NELL1: variants seen among roughly 807,000 people sequenced by gnomAD.
The protein encoded by NELL1 is protein kinase C-binding protein NELL1.
In NELL1, 76 loss-of-function variants were observed where a neutral mutation model predicts 107.4. That is an observed-to-expected ratio of 0.71 (90% CI 0.59 to 0.86). The LOEUF is 0.86. NELL1 is among the 40% of genes least tolerant of loss of function. NELL1 has a pLI of 0.00. For synonymous variants in NELL1, 353 were observed against 341.2 expected (o/e 1.03, Z -0.38); for missense variants, 1,024 against 1,005.5 (o/e 1.02, Z -0.25).
intron 15 of NELL1, among the ~76,000 whole-genome samples, chr11:21,390,340 T>G (rs190295990): frequency 1.4e-3 from 216 of 150,062 alleles, no homozygotes; most frequent in Non-Finnish European, 2.6e-3. Flanking sequence ...AGTCAAACAT[T>G]TTCTTTCCCA....
chr11:21,116,226 G>T (rs1162911818), intron 13 of NELL1, among the ~76,000 whole-genome samples: 1 of 151,902 alleles, frequency 6.6e-6, no homozygotes, highest in East Asian at 1.9e-4. Context: ...CTTGGCTTTT[G>T]TGCCATCCTA....
chr11:21,451,228 A>G (rs11026090), intron 15 of NELL1, among the ~76,000 whole-genome samples: 35,469 of 151,222 alleles, frequency 0.23, 4,445 homozygotes, highest in Middle Eastern at 0.37. Context: ...AAAGAAAAAG[A>G]AAAAAGAAAT....
chr11:20,910,880 A>G (rs886506357), intron 5 of NELL1, among the ~76,000 whole-genome samples: 4 of 152,342 alleles, frequency 2.6e-5, no homozygotes, highest in South Asian at 2.1e-4. Flanking sequence ...TGCAGATTAT[A>G]TAAGAATATG....
chr11:21,401,277 A>ATAAG (rs1472485208), intron 15 of NELL1, among the ~76,000 whole-genome samples: 2 of 151,886 alleles, frequency 1.3e-5, no homozygotes, highest in African/African-American at 4.8e-5. Flanking sequence ...TCTTGGTGAT[A>ATAAG]TAAGTCTCCT....
chr11:21,313,658 C>G lies in NELL1; in HGVS notation c.1550-57195C>G, dbSNP rs182874938. 5.9e-3 allele frequency among the ~76,000 whole-genome samples: 901 copies of G among 152,256 alleles called. 3 individuals carry two copies. Among genetic ancestry groups the G allele is most frequent in the Non-Finnish European group, 9.2e-3 (626 of 68,024 alleles). On this transcript the variant is annotated intron_variant, in intron 14 of 19. Coordinates refer to ENST00000357134, the MANE Select transcript of NELL1 (RefSeq NM_006157.5). ...TCAAAGGGCTGCATCTGGTGAGGGC[C>G]TTCTTGCTGGTGGGGGCTCACAGCA...
intron 12 of NELL1, among the ~76,000 whole-genome samples, chr11:21,097,995 AC>A (rs1854693519): frequency 6.7e-6 from 1 of 150,188 alleles, no homozygotes; most frequent in South Asian, 2.1e-4. Flanking sequence ...AAAAAAAGCT[AC>A]CCTGATCAGT....
chr11:20,881,373 C>T (rs1849403936), intron 4 of NELL1, among the ~76,000 whole-genome samples: 1 of 152,074 alleles, frequency 6.6e-6, no homozygotes, highest in African/African-American at 2.4e-5. Context: ...TGAAACTGCC[C>T]TTCATTGCTT....
chr11:21,041,817 A>G (rs1853239872), intron 12 of NELL1, among the ~76,000 whole-genome samples: 1 of 152,242 alleles, frequency 6.6e-6, no homozygotes, highest in Admixed American at 6.5e-5. Flanking sequence ...GTAACTGTAA[A>G]CAAAACTACA....
chr11:21,312,183 T>G (rs1200961240), intron 14 of NELL1, among the ~76,000 whole-genome samples: 1 of 152,130 alleles, frequency 6.6e-6, no homozygotes. Context: ...AGGCAGTAAG[T>G]AAACTGAGGT....
chr11:21,099,192 AACACACACACACACACACAC>A, intron 12 of NELL1, among the ~76,000 whole-genome samples: 1 of 141,958 alleles, frequency 7.0e-6, no homozygotes, highest in South Asian at 2.3e-4. Context: ...GACACTGAAC[AACACACACACACACACACAC>A]ACACACACAC....
rs762754009 is a variant in NELL1, at chr11:21,560,191, A to G, written c.1789A>G (p.Ile597Val). 3.7e-6 allele frequency: 6 copies of G among 1,613,558 alleles called. No homozygotes were observed. The highest frequency in any genetic ancestry group is 5.1e-6 in the Non-Finnish European group (6 of 1,179,654). ...YSLSGESCID[I>V]DECALRTHTC... is the part of the protein sequence containing the mutation. ...CTTCTGTGCTTCCTATATTGCAGACATTGATGAATGTGCCTTAAGAACTCA... is the reference window on the plus strand; with the variant it reads ...CTTCTGTGCTTCCTATATTGCAGACGTTGATGAATGTGCCTTAAGAACTCA... The change falls in exon 17 of 20, where the codon ATT (isoleucine) becomes GTT (valine). Residue 597 changes from isoleucine to valine, a missense_variant and splice_region_variant. Ile to Val is a conservative substitution (Grantham distance 29, BLOSUM62 3). Transcript: ENST00000357134.
intron 14 of NELL1, among the ~76,000 whole-genome samples, chr11:21,277,624 T>TC (rs1330823218): frequency 6.6e-6 from 1 of 152,116 alleles, no homozygotes; most frequent in East Asian, 1.9e-4. Flanking sequence ...GCACTATTCA[T>TC]AATAGCAAAA....
chr11:21,160,793 G>A (rs983416952), intron 13 of NELL1, among the ~76,000 whole-genome samples: 1 of 152,000 alleles, frequency 6.6e-6, no homozygotes, highest in Non-Finnish European at 1.5e-5. Context: ...CACAGTATTC[G>A]TTACCTAATT....
At chr11:20,706,387 A>C (rs1854955506) in intron 2 of NELL1, among the ~76,000 whole-genome samples, 1 of 152,134 alleles carries the variant, frequency 6.6e-6, no homozygotes. Context: ...ATGAAGCTGG[A>C]AACCATCATT....
intron 3 of NELL1, among the ~76,000 whole-genome samples, chr11:20,801,051 T>C (rs1857272268): frequency 6.6e-6 from 1 of 152,214 alleles, no homozygotes; most frequent in African/African-American, 2.4e-5. Flanking sequence ...AAAATAGGTA[T>C]GTATTTTTCA....
intron 16 of NELL1, among the ~76,000 whole-genome samples, chr11:21,544,102 A>C (rs1014044524): frequency 6.6e-6 from 1 of 152,050 alleles, no homozygotes; most frequent in African/African-American, 2.4e-5. Context: ...CATGACATGA[A>C]GCAATACAGG....
intron 15 of NELL1, among the ~76,000 whole-genome samples, chr11:21,478,220 C>T (rs1266164269): frequency 6.6e-6 from 1 of 152,080 alleles, no homozygotes; most frequent in African/African-American, 2.4e-5. Context: ...ATCAAGAGAA[C>T]AGCATGGGGA....
At chr11:20,818,126 A>T (rs1458604717) in intron 3 of NELL1, among the ~76,000 whole-genome samples, 1 of 152,130 alleles carries the variant, frequency 6.6e-6, no homozygotes, top group African/African-American at 2.4e-5. Flanking sequence ...TGTTGAATTT[A>T]TGTCTAGTAT....
At chr11:21,447,133 G>T (rs1365755282) in intron 15 of NELL1, among the ~76,000 whole-genome samples, 2 of 152,118 alleles carry the variant, frequency 1.3e-5, no homozygotes, top group African/African-American at 4.8e-5. Context: ...TCAGCTTATG[G>T]TGAATACTGC....
Sources: allele counts gnomAD v4.1 joint callset (sites outside exome capture counted in the v4.1 genomes callset), GRCh38; gene constraint gnomAD v4.1.1; transcripts MANE v1.5; gene names NCBI Gene and HGNC (gene_info 2026-07-23, HGNC 2026-07-21).